BRD10: variants seen among roughly 807,000 people sequenced by gnomAD.
BRD10 encodes uncharacterized bromodomain-containing protein 10.
the BRD10 span, among the ~76,000 whole-genome samples, chr9:5,994,931 C>T: frequency 1.2e-3 from 168 of 145,800 alleles, 4 homozygotes; most frequent in South Asian, 0.036. Context: ...CAGAGTTTCG[C>T]TCTTGTTGCC....
chr9:5,942,915 T>C, the BRD10 span, among the ~76,000 whole-genome samples: 12 of 152,188 alleles, frequency 7.9e-5, no homozygotes, highest in African/African-American at 2.9e-4. Context: ...TCTGGTTCTG[T>C]TGCCCAGGAT....
At chr9:5,944,105 C>G in the BRD10 span, among the ~76,000 whole-genome samples, 2 of 152,016 alleles carry the variant, frequency 1.3e-5, no homozygotes, top group African/African-American at 4.8e-5. Context: ...CATGATATTC[C>G]TAAGGCGCAA....
At chr9:5,927,577 C>T in the BRD10 span, among the ~76,000 whole-genome samples, 1 of 152,306 alleles carries the variant, frequency 6.6e-6, no homozygotes, top group Non-Finnish European at 1.5e-5. Flanking sequence ...TTTATCCACT[C>T]TTCTACTACC....
chr9:5,952,756 A>G, the BRD10 span, among the ~76,000 whole-genome samples: 1 of 152,194 alleles, frequency 6.6e-6, no homozygotes, highest in Non-Finnish European at 1.5e-5. Context: ...TGAGAAAAAC[A>G]AAAGTCGGAG....
chr9:5,952,953 T>A, the BRD10 span, among the ~76,000 whole-genome samples: 5 of 152,216 alleles, frequency 3.3e-5, no homozygotes, highest in African/African-American at 1.2e-4. Context: ...TTGTAATTCA[T>A]CCTAAGAATA....
chr9:5,981,544 C>G, the BRD10 span, among the ~76,000 whole-genome samples: 1 of 151,560 alleles, frequency 6.6e-6, no homozygotes, highest in South Asian at 2.1e-4. Context: ...AAGGAGAGAC[C>G]TGGACTATCT....
chr9:5,885,429 G>T, the BRD10 span, among the ~76,000 whole-genome samples: 2 of 150,898 alleles, frequency 1.3e-5, no homozygotes, highest in African/African-American at 4.9e-5. Context: ...GCAGTGCAAT[G>T]GCTCGATCTC....
chr9:5,989,961 T>G, the BRD10 span, among the ~76,000 whole-genome samples: 1 of 152,350 alleles, frequency 6.6e-6, no homozygotes, highest in East Asian at 1.9e-4. Context: ...CTAGGTCCCA[T>G]GAACAGTATG....
the BRD10 span, among the ~76,000 whole-genome samples, chr9:5,984,950 G>C: frequency 6.6e-6 from 1 of 150,970 alleles, no homozygotes; most frequent in Non-Finnish European, 1.5e-5. Flanking sequence ...TCCTAGTATA[G>C]ACAAACGAAT....
chr9:5,894,135 ATC>A, the BRD10 span, among the ~76,000 whole-genome samples: 1 of 152,116 alleles, frequency 6.6e-6, no homozygotes, highest in Non-Finnish European at 1.5e-5. This position sits in a 1 kb window ranked among gnomAD's most constrained non-coding sequence, Gnocchi z 4.0. Context: ...AGAGGTCAGT[ATC>A]TCTCAGTGTG....
At chr9:5,916,586 C>CATATATAAA in the BRD10 span, among the ~76,000 whole-genome samples, 1 of 118,062 alleles carries the variant, frequency 8.5e-6, no homozygotes. Context: ...ACATATATAA[C>CATATATAAA]ATATATATAA....
At chr9:5,879,266 C>T in the BRD10 span, among the ~76,000 whole-genome samples, 2 of 151,966 alleles carry the variant, frequency 1.3e-5, no homozygotes, top group African/African-American at 4.8e-5. Flanking sequence ...AGTTCGAGAC[C>T]AGCCTGGCCA....
the BRD10 span, among the ~76,000 whole-genome samples, chr9:5,984,852 A>G: frequency 1.4e-4 from 21 of 152,310 alleles, no homozygotes; most frequent in African/African-American, 4.6e-4. Flanking sequence ...CCAGAAACTG[A>G]TAATTTCCAT....
At chr9:5,946,789 G>C in the BRD10 span, among the ~76,000 whole-genome samples, 2 of 152,048 alleles carry the variant, frequency 1.3e-5, no homozygotes, top group African/African-American at 4.8e-5. Context: ...GCAGTTTGTA[G>C]AAATTTACAG....
At chr9:5,976,101 G>T in the BRD10 span, among the ~76,000 whole-genome samples, 1 of 152,192 alleles carries the variant, frequency 6.6e-6, no homozygotes, top group African/African-American at 2.4e-5. Context: ...AAAGGTAGCT[G>T]ATTCTGAGTC....
chr9:5,927,664 C>T, the BRD10 span, among the ~76,000 whole-genome samples: 1 of 152,108 alleles, frequency 6.6e-6, no homozygotes, highest in Non-Finnish European at 1.5e-5. Context: ...ATTTCCTCAA[C>T]CCATCATGAG....
the BRD10 span, among the ~76,000 whole-genome samples, chr9:5,979,625 A>G: frequency 6.6e-6 from 1 of 152,218 alleles, no homozygotes; most frequent in Non-Finnish European, 1.5e-5. Flanking sequence ...GACTTAAGTT[A>G]TCAAAACTGC....
the BRD10 span, among the ~76,000 whole-genome samples, chr9:5,945,568 T>C: frequency 6.6e-6 from 1 of 152,128 alleles, no homozygotes; most frequent in South Asian, 2.1e-4. Flanking sequence ...CTTTCATAAT[T>C]GTGTGGCTCA....
At chr9:5,896,143 G>C in the BRD10 span, among the ~76,000 whole-genome samples, 2 of 152,200 alleles carry the variant, frequency 1.3e-5, no homozygotes, top group Non-Finnish European at 2.9e-5. Context: ...GTGAATGTTG[G>C]TTCTGCCACT....
Sources: gnomAD v4.1 joint callset for allele counts (sites outside exome capture counted in the v4.1 genomes callset) on GRCh38, gnomAD v4.1.1 for gene constraint, Gnocchi (gnomAD v3.1) non-coding constraint, MANE v1.5 for transcripts, NCBI Gene and HGNC (gene_info 2026-07-23, HGNC 2026-07-21) for gene names.